Variants in PTGR2 observed in about 807,000 individuals in gnomAD.
The protein encoded by PTGR2 is 15-oxoprostaglandin 13-reductase.
A neutral mutation model predicts 43.4 loss-of-function variants in PTGR2; 32 were observed. The ratio of observed to expected loss-of-function variants is 0.74; its 90% CI spans 0.56 to 0.99. The LOEUF (loss-of-function observed/expected upper bound fraction) is 0.99. PTGR2 is among the 50% of genes least tolerant of loss of function. PTGR2 has a pLI of 0.00. For synonymous variants in PTGR2, 106 were observed against 139.2 expected (o/e 0.76, Z 1.68); for missense variants, 373 against 420.0 (o/e 0.89, Z 0.98).
At chr14:73,871,289 C>T (rs573390433) in intron 3 of PTGR2, among the ~76,000 whole-genome samples, 18 of 149,708 alleles carry the variant, frequency 1.2e-4, no homozygotes, top group African/African-American at 4.4e-4. Context: ...GGAAACTCCA[C>T]GCCTTTTCCC....
chr14:73,856,718 A>ACT (rs1435205268), intron 1 of PTGR2, among the ~76,000 whole-genome samples: 5 of 152,214 alleles, frequency 3.3e-5, no homozygotes, highest in Admixed American at 2.6e-4. Flanking sequence ...GGTGTCTAGT[A>ACT]ATCTGTACCA....
chr14:73,852,643 A>C (rs1256491115), intron 1 of PTGR2, among the ~76,000 whole-genome samples: 3 of 152,114 alleles, frequency 2.0e-5, no homozygotes, highest in Non-Finnish European at 4.4e-5. Context: ...CTAGAGACGC[A>C]AATTATTATT....
At chr14:73,866,341 G>A (rs1223214146) in intron 3 of PTGR2, among the ~76,000 whole-genome samples, 1 of 151,706 alleles carries the variant, frequency 6.6e-6, no homozygotes, top group African/African-American at 2.4e-5. Flanking sequence ...GTTTCACCAT[G>A]TTGGCCAGGA....
At chr14:73,857,700 G>A (rs149022423) in intron 1 of PTGR2, among the ~76,000 whole-genome samples, 7,240 of 89,916 alleles carry the variant, frequency 0.081, 469 homozygotes, top group East Asian at 0.41. Context: ...ACAGAATCTC[G>A]CTCTGTTGCC....
intron 1 of PTGR2, among the ~76,000 whole-genome samples, chr14:73,853,132 GTTT>G (rs1207081098): frequency 6.6e-6 from 1 of 151,988 alleles, no homozygotes; most frequent in Non-Finnish European, 1.5e-5. Context: ...AGAAAGATAC[GTTT>G]TATAACAAGG....
intron 1 of PTGR2, among the ~76,000 whole-genome samples, chr14:73,856,832 A>G (rs1212289456): frequency 6.6e-6 from 1 of 152,228 alleles, no homozygotes; most frequent in Non-Finnish European, 1.5e-5. Context: ...CAAAGCACTC[A>G]CAAGAGTGCT....
intron 9 of PTGR2, 63 bp downstream of exon 9, chr14:73,882,501 TTTTA>T (rs1053577950): frequency 2.0e-5 from 22 of 1,127,156 alleles, no homozygotes; most frequent in African/African-American, 6.3e-5. Flanking sequence ...GTCTCTTTAT[TTTTA>T]TTTATTTATT....
intron 3 of PTGR2, among the ~76,000 whole-genome samples, chr14:73,870,397 C>T (rs2054700952): frequency 6.6e-6 from 1 of 152,008 alleles, no homozygotes; most frequent in African/African-American, 2.4e-5. Flanking sequence ...CCAGGCTGGT[C>T]TCAAACTCCT....
intron 6 of PTGR2, chr14:73,879,843 G>C (rs2054941073): frequency 2.0e-6 from 1 of 500,064 alleles, no homozygotes. Flanking sequence ...TTCTTTTGCT[G>C]ATTACCAACC....
chr14:73,866,659 G>A (rs951186011), intron 3 of PTGR2, among the ~76,000 whole-genome samples: 1 of 152,114 alleles, frequency 6.6e-6, no homozygotes, highest in African/African-American at 2.4e-5. Context: ...CTGGTTGAAC[G>A]TTATTTCTGG....
chr14:73,879,592 A>G (rs17093520), intron 6 of PTGR2: 33,844 of 366,348 alleles, frequency 0.092, 3,258 homozygotes, highest in East Asian at 0.44. Flanking sequence ...TGAAATGCTG[A>G]AGCACTGATC....
At chr14:73,856,097 T>C (rs1465861304) in intron 1 of PTGR2, among the ~76,000 whole-genome samples, 1 of 151,592 alleles carries the variant, frequency 6.6e-6, no homozygotes, top group Non-Finnish European at 1.5e-5. Flanking sequence ...AAGTGCATAG[T>C]GTTAATAAAG....
intron 1 of PTGR2, among the ~76,000 whole-genome samples, chr14:73,853,464 A>G (rs1013114446): frequency 7.9e-5 from 12 of 151,968 alleles, no homozygotes; most frequent in Non-Finnish European, 2.9e-5. Context: ...CTGGGATTAC[A>G]GGCGCCCGCC....
At chr14:73,860,932 T>TA (rs1274366158) in intron 3 of PTGR2, among the ~76,000 whole-genome samples, 1 of 152,190 alleles carries the variant, frequency 6.6e-6, no homozygotes, top group Non-Finnish European at 1.5e-5. Context: ...TTGAAGATAG[T>TA]AAAACAGGAT....
At chr14:73,869,543 C>T (rs1183430860) in intron 3 of PTGR2, among the ~76,000 whole-genome samples, 1 of 148,410 alleles carries the variant, frequency 6.7e-6, no homozygotes, top group East Asian at 2.0e-4. Context: ...CACTGCACTC[C>T]AGCCTGGGCA....
intron 7 of PTGR2, among the ~76,000 whole-genome samples, chr14:73,880,528 T>C (rs2054959267): frequency 6.8e-6 from 1 of 147,600 alleles, no homozygotes; most frequent in African/African-American, 2.5e-5. Context: ...TGAGCCAAAA[T>C]CATGCCACTG....
At chr14:73,859,001 T>G in intron 2 of PTGR2, 102 bp downstream of exon 2, 1 of 874,238 alleles carries the variant, frequency 1.1e-6, no homozygotes, top group Non-Finnish European at 1.8e-6. Context: ...ATTAAGGTAG[T>G]AAGATATTGA....
chr14:73,877,009 A>G lies in PTGR2; in HGVS notation c.360A>G (p.Gln120=), dbSNP rs781638297. 6 of 1,612,252 alleles carry G rather than the reference A, an allele frequency of 3.7e-6. No homozygotes were observed. In the South Asian group the frequency reaches 6.6e-5, roughly 18 times the overall value. Residue 120 remains glutamine, a synonymous_variant, in exon 5 of 10, where the codon CAA becomes CAG. Transcript: ENST00000555661. ...DGNSLEKVDP[Q]LVDGHLSYFL... is the part of the protein sequence containing the mutation. ...ATATTTTATTTTAGGTAGACCCACAACTTGTGGATGGACACCTTTCATATT... is the reference window on the plus strand; with the variant it reads ...ATATTTTATTTTAGGTAGACCCACAGCTTGTGGATGGACACCTTTCATATT...
rs8020091 is a variant in PTGR2 at position 73,851,844 on chromosome 14, C to G, written c.-147C>G. 9,874 of 152,422 alleles carry G rather than the reference C, an allele frequency of 0.065. 434 individuals are homozygous for G. The highest frequency in any genetic ancestry group is 0.12 in the African/African-American group (5,079 of 41,556). 9.4% of individuals were successfully genotyped at this position (152,422 alleles called of 1,614,324 possible). On this transcript the variant is annotated 5_prime_UTR_variant, in exon 1 of 10. Coordinates refer to ENST00000555661, the MANE Select transcript of PTGR2 (RefSeq NM_001146154.2). ...CCGGGCCTAGTCGCGCGCCTGCGTA[C>G]TGCGGTCAGAGGGCCGAGGCCTGGG...
Sources: gnomAD v4.1 joint callset for allele counts (sites outside exome capture counted in the v4.1 genomes callset) on GRCh38, gnomAD v4.1.1 for gene constraint, MANE v1.5 for transcripts, NCBI Gene and HGNC (gene_info 2026-07-23, HGNC 2026-07-21) for gene names.